Variants in TSR1 observed in about 807,000 individuals in gnomAD.
TSR1 encodes TSR1 ribosome maturation factor, also known as pre-rRNA-processing protein TSR1 homolog.
TSR1 carries 81 observed loss-of-function variants against 90.9 expected under a neutral mutation model. That is an observed-to-expected ratio of 0.89 (90% CI 0.74 to 1.07). TSR1 has a LOEUF of 1.07. Among genes scored for constraint, TSR1 ranks in the 50% least tolerant of loss-of-function variants. The pLI is 0.00. For synonymous variants in TSR1, 362 were observed against 348.8 expected, an observed-to-expected ratio of 1.04 and a Z score of -0.42; for missense variants, 989 against 987.3, an observed-to-expected ratio of 1.00 and a Z score of -0.02.
chr17:2,330,937 G>A lies in TSR1; in HGVS notation c.1659+10C>T, dbSNP rs1026575565. On this transcript the variant is annotated intron_variant, in intron 9 of 14. Transcript: ENST00000301364. Reference sequence around the variant, plus strand: ...AAGCAACATACAAGATGAACAAGGAGGATAGATACCTCAGCTCCTTCAACC... The same window carrying A: ...AAGCAACATACAAGATGAACAAGGAAGATAGATACCTCAGCTCCTTCAACC... 8 of 1,573,204 alleles carry A rather than the reference G, an allele frequency of 5.1e-6. No homozygotes were observed. The African/African-American group carries it at 8.2e-5, about 16-fold the overall frequency.
rs144649456 is a variant in TSR1 at position 2,324,378 on chromosome 17, G to C, written c.2237-4C>G. ...CATTTCATGTGGCCATGGGTACCTA[G>C]AAAGACATCAGAACAAGTCGGTCAA... is the stretch of plus-strand genomic sequence containing the variant. On this transcript the variant is annotated splice_polypyrimidine_tract_variant and splice_region_variant and intron_variant, in intron 14 of 14. Coordinates refer to ENST00000301364, the MANE Select transcript of TSR1 (RefSeq NM_018128.5). 6.1e-5 allele frequency: 96 copies of C among 1,578,158 alleles called. No individual in the cohort carries two copies. The African/African-American group carries it at 1.2e-3, about 19-fold the overall frequency.
rs1319827737 is a variant in TSR1 at position 2,335,345 on chromosome 17, C to G, written c.471G>C (p.Leu157=). Residue 157 remains leucine, a synonymous_variant, in exon 4 of 15, where the codon CTG becomes CTC. Coordinates refer to ENST00000301364, the MANE Select transcript of TSR1 (RefSeq NM_018128.5). ...AGCCTTCTAGTGGATCAAGGAGGAA[C>G]AGGATGGTATCAGCTACTTTAGCCA... is the stretch of plus-strand genomic sequence containing the variant. ...LDMAKVADTI[L]FLLDPLEGWD... The G allele has an allele frequency of 1.9e-6, 3 of 1,613,152 alleles. No homozygotes were observed. The highest frequency in any genetic ancestry group is 1.7e-5 in the Admixed American group (1 of 59,900).
At position 2,329,548 on chromosome 17, in the gene TSR1, A is replaced by C; in HGVS notation, c.1771-73T>G. ...AATTGCCTAAACTGAAAGAAGGCAAACCAAACTAGCAGATTCAGACTCATT... is the reference window on the plus strand; with the variant it reads ...AATTGCCTAAACTGAAAGAAGGCAACCCAAACTAGCAGATTCAGACTCATT... On this transcript the variant is annotated intron_variant, in intron 10 of 14. Transcript: ENST00000301364. 1.9e-6 allele frequency: 3 copies of C among 1,554,924 alleles called. No homozygotes were observed. In the East Asian group the frequency reaches 6.8e-5, roughly 35 times the overall value.
Position 2,334,847 on chromosome 17 carries a change from A to G in TSR1, c.606T>C (p.Asp202=). The G allele has an allele frequency of 3.7e-6, 6 of 1,614,050 alleles. No homozygotes were observed. The highest frequency in any genetic ancestry group is 4.2e-6 in the Non-Finnish European group (5 of 1,180,014). ...ISGLPLKKQI[D]TRKKLSKAVE... ...CTGCTTTACTTAGCTTCTTCCTGGT[A>G]TCTATTTGTTTCTTCAGTGGGAGGC... Residue 202 remains aspartate, a synonymous_variant, in exon 5 of 15, where the codon GAT becomes GAC. Coordinates refer to ENST00000301364, the MANE Select transcript of TSR1 (RefSeq NM_018128.5).
At chr17:2,336,301 GC>G in intron 1 of TSR1, 29 bp downstream of exon 1, 1 of 1,613,166 alleles carries the variant, frequency 6.2e-7, no homozygotes. Context: ...CGGCCAAATA[GC>G]CCTTATTCCT....
rs373392150 is a variant in TSR1 at position 2,335,777 on chromosome 17, C to T, written c.202-47G>A. On this transcript the variant is annotated intron_variant, in intron 2 of 14. Coordinates refer to ENST00000301364, the MANE Select transcript of TSR1 (RefSeq NM_018128.5). ...AGAACATCTCAGTGTCTCAGTACTT[C>T]ACTCCAGCATTGCATTTCCACTCCC... 128 of 1,577,106 alleles carry T rather than the reference C, an allele frequency of 8.1e-5. 1 individual carries two copies. The highest frequency in any genetic ancestry group is 1.7e-5 in the Non-Finnish European group (20 of 1,160,500).
At position 2,325,342 on chromosome 17, in the gene TSR1, G is replaced by C. The variant is rs1393237536; in HGVS notation, c.1982C>G (p.Pro661Arg). The change falls in exon 12 of 15, where the codon CCT (proline) becomes CGT (arginine). Residue 661 changes from proline (P) to arginine (R), a missense_variant. By Grantham distance (103) the Pro-to-Arg change is moderately radical. Coordinates refer to ENST00000301364, the MANE Select transcript of TSR1 (RefSeq NM_018128.5). ...VATVYAPITF[P>R]PASVLLFKQK... is the part of the protein sequence containing the mutation. The stretch of plus-strand genomic sequence containing the variant: ...CTTGAAAAGCAGCACAGATGCAGGA[G>C]GAAAAGTGATTGGCGCATAGACTGT... 8.7e-6 allele frequency: 14 copies of C among 1,613,366 alleles called. No individual in the cohort carries two copies. The highest frequency in any genetic ancestry group is 1.1e-5 in the Non-Finnish European group (13 of 1,179,888).
Position 2,334,593 on chromosome 17 carries a change from C to A in TSR1, c.860G>T (p.Arg287Met). ...YVRGQTLNVN[R>M]LLHIVGYGDF... is the part of the protein sequence containing the mutation. ...ACCATATCCAACGATATGCAGCAAC[C>A]TATTGACATTCAGAGTCTGCCCTCG... The change falls in exon 5 of 15, where the codon AGG becomes ATG. Residue 287 changes from arginine (R) to methionine (M), a missense_variant. By Grantham distance (91) the Arg-to-Met change is moderately conservative. Coordinates refer to ENST00000301364, the MANE Select transcript of TSR1 (RefSeq NM_018128.5). 6.2e-7 allele frequency: 1 copy of A among 1,614,164 alleles called. No individual in the cohort carries two copies. Among genetic ancestry groups the A allele is most frequent in the Non-Finnish European group, 8.5e-7 (1 of 1,180,042 alleles).
In TSR1 at chr17:2,332,306, A is replaced by C. The variant is rs758479531; in HGVS notation, c.1359T>G (p.Ser453=). The C allele has an allele frequency of 1.4e-5, 22 of 1,613,218 alleles. No individual in the cohort carries two copies. The highest frequency in any genetic ancestry group is 1.7e-5 in the Non-Finnish European group (20 of 1,179,856). The change falls in exon 8 of 15, where the codon TCT becomes TCG. Residue 453 remains serine, a synonymous_variant. Coordinates refer to ENST00000301364, the MANE Select transcript of TSR1 (RefSeq NM_018128.5). ...TCTTATCATACAGATCATCATGCAC[A>C]GACTCCCCAATAGTCATAGTTTCAT... ...EEYETMTIGE[S]VHDDLYDKKV... is the part of the protein sequence containing the mutation.
chr17:2,323,714 TG>T lies in TSR1; in HGVS notation c.*481del, dbSNP rs750767272. On this transcript the variant is annotated 3_prime_UTR_variant, in exon 15 of 15. Transcript: ENST00000301364. ...TACTCATTGAACCTACAGCTGGTGT[TG>T]GAGTGGCTGCTGTGCTGTCTCAACA... The T allele has an allele frequency of 3.1e-6, 5 of 1,614,074 alleles. No homozygotes were observed. Among genetic ancestry groups the T allele is most frequent in the Non-Finnish European group, 4.2e-6 (5 of 1,179,910 alleles).
intron 10 of TSR1, among the ~76,000 whole-genome samples, chr17:2,329,803 C>G (rs536575238): frequency 6.6e-6 from 1 of 152,170 alleles, no homozygotes; most frequent in Non-Finnish European, 1.5e-5. Flanking sequence ...CAAAACCACA[C>G]TCATTCAAGC....
rs374791115 is a variant in TSR1 at position 2,323,370 on chromosome 17, T to C, written c.*826A>G. The C allele has an allele frequency of 3.1e-5, 50 of 1,612,932 alleles. No individual in the cohort carries two copies. The African/African-American group carries it at 5.6e-4, about 18-fold the overall frequency. On this transcript the variant is annotated 3_prime_UTR_variant, in exon 15 of 15. Transcript: ENST00000301364. ...GGTGAGGCTCCAGCAAGAAAAGAAATAGCAAAGCATGGTGTAACTTCTTAG... is the reference window on the plus strand; with the variant it reads ...GGTGAGGCTCCAGCAAGAAAAGAAACAGCAAAGCATGGTGTAACTTCTTAG...
At position 2,335,388 on chromosome 17, in the gene TSR1, AG is replaced by A; in HGVS notation, c.427del (p.Leu143CysfsTer5). 10 of 1,613,832 alleles carry A rather than the reference AG, an allele frequency of 6.2e-6. No individual in the cohort carries two copies. The highest frequency in any genetic ancestry group is 7.6e-6 in the Non-Finnish European group (9 of 1,179,992). ...WFFTSARPGD[L>X]HVVLDMAKVA... is the part of the protein sequence containing the mutation. ...TTTAGCCATGTCTAACACAACGTGC[AG>A]ATCCCCTGCAGATAGAAGACACAGT... On this transcript the variant is annotated frameshift_variant, in exon 4 of 15. Transcript: ENST00000301364. LOFTEE classifies it high-confidence loss of function.
rs1259749098 is a variant in TSR1 at position 2,336,032 on chromosome 17, C to G, written c.201+5G>C. 2 of 1,614,080 alleles carry G rather than the reference C, an allele frequency of 1.2e-6. No individual in the cohort carries two copies. Among genetic ancestry groups the G allele is most frequent in the African/African-American group, 1.3e-5 (1 of 74,950 alleles). On this transcript the variant is annotated splice_donor_5th_base_variant and intron_variant, in intron 2 of 14. Transcript: ENST00000301364. ...CCGCATTCTCCCAAATCCCGCTCCT[C>G]TCACCGCCTCCTTCTTCTGCTTTCG...
rs1170673093 is a variant in TSR1, at chr17:2,328,678, AG to A, written c.1903+664del. Among the ~76,000 whole-genome samples the A allele has an allele frequency of 2.6e-5, 4 of 151,916 alleles. No individual in the cohort carries two copies. The East Asian group carries it at 5.8e-4, about 22-fold the overall frequency. On this transcript the variant is annotated intron_variant, in intron 11 of 14. Coordinates refer to ENST00000301364, the MANE Select transcript of TSR1 (RefSeq NM_018128.5). ...ACACCTGTAATCCCAGCACTTTGGGAGGCTGAGGCGGGCGGCTCACGAGGTC... is the reference window on the plus strand; with the variant it reads ...ACACCTGTAATCCCAGCACTTTGGGAGCTGAGGCGGGCGGCTCACGAGGTC...
chr17:2,325,833 G>A (rs1385546877), intron 11 of TSR1, among the ~76,000 whole-genome samples: 1 of 152,020 alleles, frequency 6.6e-6, no homozygotes, highest in East Asian at 1.9e-4. Flanking sequence ...GGCTGGTCTC[G>A]AACTCCTCAC....
chr17:2,326,288 T>C (rs2075575616), intron 11 of TSR1, among the ~76,000 whole-genome samples: 1 of 152,202 alleles, frequency 6.6e-6, no homozygotes, highest in Admixed American at 6.5e-5. Flanking sequence ...AATACTGCTT[T>C]CTTCATATTC....
At chr17:2,336,250 G>A (rs1432103065) in intron 1 of TSR1, 81 bp downstream of exon 1, 1 of 1,600,958 alleles carries the variant, frequency 6.2e-7, no homozygotes, top group Non-Finnish European at 8.6e-7. Flanking sequence ...CCAGACGGGA[G>A]ACAGAAGCTC....
chr17:2,333,799 A>G lies in TSR1; in HGVS notation c.982-83T>C, dbSNP rs149383899. On this transcript the variant is annotated intron_variant, in intron 5 of 14. Coordinates refer to ENST00000301364, the MANE Select transcript of TSR1 (RefSeq NM_018128.5). ...ACAGTAACCAGAAAGACCCAGAAAT[A>G]TCAGTCCTCATGTATAAGATGAGTG... 103 of 1,542,462 alleles carry G rather than the reference A, an allele frequency of 6.7e-5. No individual in the cohort carries two copies. The African/African-American group carries it at 1.2e-3, about 19-fold the overall frequency.
Sources: gnomAD v4.1 joint callset for allele counts (sites outside exome capture counted in the v4.1 genomes callset) on GRCh38, gnomAD v4.1.1 for gene constraint, MANE v1.5 for transcripts, NCBI Gene and HGNC (gene_info 2026-07-23, HGNC 2026-07-21) for gene names.